AGMO: variants seen among roughly 807,000 people sequenced by gnomAD.
AGMO encodes glyceryl-ether monooxygenase.
AGMO carries 75 observed loss-of-function variants against 60.2 expected under a neutral mutation model. The observed-to-expected ratio is 1.25, with a 90% CI of 1.03 to 1.51. AGMO has a LOEUF of 1.51. AGMO is among the 40% of genes most tolerant of loss of function. The pLI, the probability that AGMO is intolerant of heterozygous loss-of-function variation, is 0.00. For missense variants in AGMO, 763 were observed against 525.5 expected (o/e 1.45, Z -4.42); for synonymous variants, 261 against 177.1 (o/e 1.47, Z -3.76).
At chr7:15,377,826 CCTTA>C (rs900101610) in intron 10 of AGMO, among the ~76,000 whole-genome samples, 3 of 151,984 alleles carry the variant, frequency 2.0e-5, no homozygotes, top group South Asian at 2.1e-4. Context: ...GGTTATGAGA[CCTTA>C]CTTAAACAAA....
intron 12 of AGMO, among the ~76,000 whole-genome samples, chr7:15,251,484 G>C (rs1782936972): frequency 6.6e-6 from 1 of 152,212 alleles, no homozygotes; most frequent in African/African-American, 2.4e-5. Context: ...GAGAACAAAA[G>C]AGGGGGTGGT....
chr7:15,503,026 T>A (rs955766403), intron 3 of AGMO, among the ~76,000 whole-genome samples: 2 of 152,040 alleles, frequency 1.3e-5, no homozygotes, highest in East Asian at 3.9e-4. Context: ...CTGGTGTCAT[T>A]TTTGGAACTG....
At chr7:15,428,881 C>A (rs999077985) in intron 4 of AGMO, among the ~76,000 whole-genome samples, 64 of 152,032 alleles carry the variant, frequency 4.2e-4, no homozygotes, top group African/African-American at 1.5e-3. Context: ...ATATATAAGT[C>A]AGAAGAGAGT....
chr7:15,543,179 C>G (rs911203735), intron 3 of AGMO, among the ~76,000 whole-genome samples: 6 of 152,210 alleles, frequency 3.9e-5, no homozygotes, highest in African/African-American at 1.2e-4. Context: ...AACCAACCAC[C>G]CACTGAAATC....
intron 3 of AGMO, among the ~76,000 whole-genome samples, chr7:15,456,217 T>C (rs932549382): frequency 2.0e-4 from 30 of 152,274 alleles, no homozygotes; most frequent in African/African-American, 7.0e-4. Flanking sequence ...CTCTGTATTT[T>C]TGTTAGATAT....
chr7:15,356,905 C>G (rs558280354), intron 12 of AGMO, among the ~76,000 whole-genome samples: 1 of 145,066 alleles, frequency 6.9e-6, no homozygotes, highest in Non-Finnish European at 1.5e-5. Context: ...GTCAGGTGTT[C>G]GAGACCAGCC....
chr7:15,394,171 A>G lies in AGMO; in HGVS notation c.618T>C (p.Asn206=). 1 of 1,606,324 alleles carries G rather than the reference A, an allele frequency of 6.2e-7. No individual in the cohort carries two copies. Among genetic ancestry groups the G allele is most frequent in the Non-Finnish European group, 8.5e-7 (1 of 1,173,176 alleles). ...YQFWIHTEVI[N]NLGPLELILN... is the part of the protein sequence containing the mutation. ...GAATCAGTTCCAAAGGACCAAGGTT[A>G]TTGATGACCTGTTTAAAACAGAAGG... The change falls in exon 6 of 13, where the codon AAT becomes AAC. Residue 206 remains asparagine, a synonymous_variant. Transcript: ENST00000342526.
At chr7:15,533,535 G>T (rs542384069) in intron 3 of AGMO, among the ~76,000 whole-genome samples, 1 of 151,818 alleles carries the variant, frequency 6.6e-6, no homozygotes, top group African/African-American at 2.4e-5. Flanking sequence ...TACATTCTTT[G>T]TTTTCTCTTC....
the AGMO span, among the ~76,000 whole-genome samples, chr7:15,147,848 C>G: frequency 3.9e-5 from 6 of 152,126 alleles, no homozygotes; most frequent in African/African-American, 1.4e-4. Context: ...AAAAAAAATA[C>G]TGAAACATAA....
chr7:15,328,145 T>C (rs902697684), intron 12 of AGMO, among the ~76,000 whole-genome samples: 1 of 151,988 alleles, frequency 6.6e-6, no homozygotes, highest in African/African-American at 2.4e-5. Context: ...TCGCCCAAGC[T>C]GGAGTACAAT....
At chr7:15,124,780 T>C in the AGMO span, among the ~76,000 whole-genome samples, 1 of 152,102 alleles carries the variant, frequency 6.6e-6, no homozygotes, top group Non-Finnish European at 1.5e-5. Flanking sequence ...ATGCAAATGC[T>C]AGGATTCTTG....
chr7:15,452,865 T>C (rs7809730), intron 3 of AGMO, among the ~76,000 whole-genome samples: 26,765 of 152,144 alleles, frequency 0.18, 2,762 homozygotes, highest in African/African-American at 0.27. Flanking sequence ...AATTGTGGTA[T>C]ATCTATACAA....
At chr7:15,173,835 T>C in the AGMO span, among the ~76,000 whole-genome samples, 4 of 151,520 alleles carry the variant, frequency 2.6e-5, no homozygotes, top group African/African-American at 9.7e-5. Flanking sequence ...TTTTTTTTTC[T>C]ATTGTTTCTC....
intron 3 of AGMO, among the ~76,000 whole-genome samples, chr7:15,462,743 A>G (rs1782178284): frequency 6.6e-6 from 1 of 152,188 alleles, no homozygotes; most frequent in Admixed American, 6.6e-5. Context: ...CTATATGAAA[A>G]CTTCATATAT....
intron 12 of AGMO, among the ~76,000 whole-genome samples, chr7:15,339,053 T>A (rs576722763): frequency 1.1e-4 from 16 of 152,320 alleles, no homozygotes; most frequent in Admixed American, 5.2e-4. Flanking sequence ...TTTCTCCAGG[T>A]TACTGTAGTA....
intron 3 of AGMO, among the ~76,000 whole-genome samples, chr7:15,462,341 TA>T (rs1782164471): frequency 6.6e-6 from 1 of 152,182 alleles, no homozygotes; most frequent in Non-Finnish European, 1.5e-5. Flanking sequence ...TAGAAAAATC[TA>T]ATAAAAGTTA....
At chr7:15,298,222 A>G (rs763611233) in intron 12 of AGMO, among the ~76,000 whole-genome samples, 14 of 152,196 alleles carry the variant, frequency 9.2e-5, no homozygotes, top group Non-Finnish European at 1.8e-4. Flanking sequence ...ATGTGATAAA[A>G]AATGCAGTAA....
At position 15,346,944 on chromosome 7, in the gene AGMO, A is replaced by G. The variant is rs577005078; in HGVS notation, c.1263+18570T>C. On this transcript the variant is annotated intron_variant, in intron 12 of 12. Transcript: ENST00000342526. Reference sequence around the variant, plus strand: ...AAAAACGACTCTTTGGAGTGTAAATATAGGCTCCTTTTTTAAGTATGTACT... The same window carrying G: ...AAAAACGACTCTTTGGAGTGTAAATGTAGGCTCCTTTTTTAAGTATGTACT... 2.0e-5 allele frequency among the ~76,000 whole-genome samples: 3 copies of G among 152,128 alleles called. No homozygotes were observed. In the East Asian group the frequency reaches 5.8e-4, roughly 29 times the overall value.
At chr7:15,293,224 C>T (rs1784323053) in intron 12 of AGMO, among the ~76,000 whole-genome samples, 1 of 152,142 alleles carries the variant, frequency 6.6e-6, no homozygotes, top group African/African-American at 2.4e-5. Context: ...ACTCTGGCCG[C>T]TTATATCCCT....
Sources: gnomAD v4.1 joint callset for allele counts (sites outside exome capture counted in the v4.1 genomes callset) on GRCh38, gnomAD v4.1.1 for gene constraint, MANE v1.5 for transcripts, NCBI Gene and HGNC (gene_info 2026-07-23, HGNC 2026-07-21) for gene names.